Variants in PLD5 observed in about 807,000 individuals in gnomAD.
PLD5 encodes the protein inactive phospholipase D5.
In PLD5, 36 loss-of-function variants were observed where a neutral mutation model predicts 61.1. The ratio of observed to expected loss-of-function variants is 0.59; its 90% CI spans 0.45 to 0.78. The LOEUF is 0.78. Ranked by LOEUF, PLD5 falls within the 30% of genes least tolerant of loss-of-function variation. The pLI, the probability that PLD5 is intolerant of heterozygous loss-of-function variation, is 0.00. For missense variants in PLD5, 515 were observed against 644.4 expected, an observed-to-expected ratio of 0.80 and a Z score of 2.17; for synonymous variants, 243 against 242.8, an observed-to-expected ratio of 1.00 and a Z score of -0.01.
intron 1 of PLD5, among the ~76,000 whole-genome samples, chr1:242,465,568 T>C (rs1026753158): frequency 6.6e-6 from 1 of 152,242 alleles, no homozygotes; most frequent in Non-Finnish European, 1.5e-5. Flanking sequence ...CTTCCATTTA[T>C]TCTACTTTTA....
At chr1:242,399,253 A>G (rs1224930314) in intron 1 of PLD5, among the ~76,000 whole-genome samples, 1 of 152,228 alleles carries the variant, frequency 6.6e-6, no homozygotes, top group African/African-American at 2.4e-5. Context: ...AAAAGCTGTA[A>G]TAAGTGTCAC....
intron 1 of PLD5, among the ~76,000 whole-genome samples, chr1:242,516,654 T>C (rs939789940): frequency 6.6e-6 from 1 of 152,224 alleles, no homozygotes; most frequent in Non-Finnish European, 1.5e-5. Context: ...GGTCTGTTTC[T>C]GCACTGTCTA....
At chr1:242,138,859 C>T (rs1362198028) in intron 5 of PLD5, among the ~76,000 whole-genome samples, 1 of 152,150 alleles carries the variant, frequency 6.6e-6, no homozygotes, top group African/African-American at 2.4e-5. Context: ...TCCTACCTGC[C>T]AGGATTAAAC....
At chr1:242,252,559 A>G (rs1198646190) in intron 4 of PLD5, among the ~76,000 whole-genome samples, 2 of 152,188 alleles carry the variant, frequency 1.3e-5, no homozygotes, top group Non-Finnish European at 2.9e-5. Flanking sequence ...ACAAAGAAAA[A>G]AAAAGTCTCT....
Position 242,161,398 on chromosome 1 carries a change from G to A in PLD5, c.736-36733C>T, listed in dbSNP as rs139048368. ...ACGAATTATGGGAGCTACAATATGA[G>A]ATTTGGGTGGGGACACAAACCATAT... On this transcript the variant is annotated intron_variant, in intron 5 of 9. Transcript: ENST00000536534. Among the ~76,000 whole-genome samples, 868 of 152,088 alleles carry A rather than the reference G, an allele frequency of 5.7e-3. 9 individuals carry two copies. The highest frequency in any genetic ancestry group is 7.9e-3 in the Non-Finnish European group (535 of 68,014).
intron 4 of PLD5, among the ~76,000 whole-genome samples, chr1:242,251,248 T>C (rs1672683696): frequency 6.6e-6 from 1 of 151,770 alleles, no homozygotes; most frequent in Non-Finnish European, 1.5e-5. Context: ...AAGCAATCAA[T>C]GCAGCAAGAG....
intron 3 of PLD5, among the ~76,000 whole-genome samples, chr1:242,272,305 A>G (rs1674136567): frequency 6.6e-6 from 1 of 152,202 alleles, no homozygotes; most frequent in South Asian, 2.1e-4. Context: ...ATCACAATGT[A>G]ATACTTCAAA....
intron 3 of PLD5, among the ~76,000 whole-genome samples, chr1:242,268,816 T>C (rs144666727): frequency 3.2e-3 from 480 of 152,274 alleles, no homozygotes; most frequent in South Asian, 0.013. Context: ...GGCCTCCTAA[T>C]GCTTTCTGAG....
intron 1 of PLD5, among the ~76,000 whole-genome samples, chr1:242,366,134 A>G (rs936265944): frequency 5.9e-5 from 9 of 152,204 alleles, no homozygotes; most frequent in Middle Eastern, 3.2e-3. Context: ...AGACTTAAAT[A>G]TATTTTTTGT....
At chr1:242,111,473 T>C (rs544007341) in intron 7 of PLD5, among the ~76,000 whole-genome samples, 38 of 151,522 alleles carry the variant, frequency 2.5e-4, no homozygotes, top group Admixed American at 7.9e-4. Context: ...ATAGTGTCTG[T>C]TTTTTTTTAC....
At chr1:242,181,311 G>C (rs1253585296) in intron 5 of PLD5, among the ~76,000 whole-genome samples, 2 of 152,170 alleles carry the variant, frequency 1.3e-5, no homozygotes, top group Non-Finnish European at 2.9e-5. Flanking sequence ...GTAGTGAAAA[G>C]CCACATGTAG....
intron 1 of PLD5, among the ~76,000 whole-genome samples, chr1:242,454,697 A>G (rs931292826): frequency 1.9e-4 from 29 of 152,214 alleles, no homozygotes; most frequent in Admixed American, 2.0e-4. Flanking sequence ...GAAATTAAGG[A>G]GAGAGTGGTA....
At position 242,085,935 on chromosome 1, in the gene PLD5, T is replaced by G. The variant is rs1416301576; in HGVS notation, c.*3919A>C. On this transcript the variant is annotated 3_prime_UTR_variant, in exon 10 of 10. Coordinates refer to ENST00000536534, the MANE Select transcript of PLD5 (RefSeq NM_001372062.1). ...TGAGACAGATAGACCCTGGATCTGA[T>G]CTTATCAAGAAATTCTTATGGTCTT... 6.6e-6 allele frequency: 1 copy of G among 151,612 alleles called. No individual in the cohort carries two copies. The highest frequency in any genetic ancestry group is 1.5e-5 in the Non-Finnish European group (1 of 67,958). The allele number at this position is 151,612 out of a possible 1,614,324, so 9.4% of individuals were successfully genotyped here.
chr1:242,247,099 T>C (rs2149074897), intron 4 of PLD5, among the ~76,000 whole-genome samples: 1 of 151,164 alleles, frequency 6.6e-6, no homozygotes, highest in East Asian at 2.0e-4. Flanking sequence ...TTCTCCTGCC[T>C]CAGCCTCCCG....
chr1:242,380,487 T>C (rs112547846), intron 1 of PLD5, among the ~76,000 whole-genome samples: 1 of 152,168 alleles, frequency 6.6e-6, no homozygotes, highest in African/African-American at 2.4e-5. Context: ...GAATGCTCAA[T>C]GTTATTTGGG....
intron 2 of PLD5, among the ~76,000 whole-genome samples, chr1:242,308,400 G>GA (rs1384711977): frequency 6.6e-6 from 1 of 152,152 alleles, no homozygotes; most frequent in Non-Finnish European, 1.5e-5. Flanking sequence ...TTATTTCTTT[G>GA]AAAATAACTT....
intron 1 of PLD5, among the ~76,000 whole-genome samples, chr1:242,476,849 C>T (rs915363821): frequency 3.9e-5 from 6 of 152,142 alleles, no homozygotes; most frequent in African/African-American, 1.4e-4. Flanking sequence ...CTGCAGTTCA[C>T]ACATACACAG....
chr1:242,288,939 GT>G (rs1385027026), intron 2 of PLD5, among the ~76,000 whole-genome samples: 1 of 152,028 alleles, frequency 6.6e-6, no homozygotes, highest in East Asian at 1.9e-4. Context: ...TATAAATTGA[GT>G]TTTGCCTATC....
chr1:242,120,774 A>G (rs1184140223), intron 6 of PLD5, among the ~76,000 whole-genome samples: 1 of 152,236 alleles, frequency 6.6e-6, no homozygotes, highest in Non-Finnish European at 1.5e-5. Flanking sequence ...AAAGAAACCT[A>G]CAAGACAGAA....
Sources: gnomAD v4.1 joint callset for allele counts (sites outside exome capture counted in the v4.1 genomes callset) on GRCh38, gnomAD v4.1.1 for gene constraint, MANE v1.5 for transcripts, NCBI Gene and HGNC (gene_info 2026-07-23, HGNC 2026-07-21) for gene names.